Variants in NLGN4X observed in about 807,000 individuals in gnomAD.
NLGN4X encodes the protein neuroligin-4, X-linked.
A neutral mutation model predicts 40.3 loss-of-function variants in NLGN4X; 3 were observed. The observed-to-expected ratio is 0.07, with a 90% CI of 0.03 to 0.19. The LOEUF (loss-of-function observed/expected upper bound fraction) is 0.19. NLGN4X is among the 10% of genes least tolerant of loss of function. The pLI, the probability that NLGN4X is intolerant of heterozygous loss-of-function variation, is 1.00. For missense variants in NLGN4X, 382 were observed against 708.3 expected, an observed-to-expected ratio of 0.54 and a Z score of 5.23; for synonymous variants, 270 against 306.8, an observed-to-expected ratio of 0.88 and a Z score of 1.25.
chrX:6,207,453 T>C (rs749524385), intron 1 of NLGN4X, among the ~76,000 whole-genome samples: 2 of 112,356 alleles, frequency 1.8e-5, no homozygotes. Flanking sequence ...TTGGAATATT[T>C]TAACCATGGC....
At chrX:6,115,395 T>A (rs1792079157) in intron 2 of NLGN4X, among the ~76,000 whole-genome samples, 1 of 111,731 alleles carries the variant, frequency 9.0e-6, no homozygotes, top group Non-Finnish European at 1.9e-5. Context: ...AGTGGACACA[T>A]TTCTCTAACG....
chrX:6,187,920 T>G (rs1439128459), intron 1 of NLGN4X: 1 of 112,503 alleles, frequency 8.9e-6, no homozygotes, highest in Non-Finnish European at 1.9e-5. Flanking sequence ...AGATGAGCTT[T>G]AAAAAATTAA....
At chrX:6,155,874 T>A (rs932185874) in intron 1 of NLGN4X, among the ~76,000 whole-genome samples, 1 of 111,940 alleles carries the variant, frequency 8.9e-6, no homozygotes, top group African/African-American at 3.3e-5. Flanking sequence ...GAATGGCTAT[T>A]CATAAAACAT....
At chrX:5,966,273 T>C (rs762413932) in intron 3 of NLGN4X, among the ~76,000 whole-genome samples, 1 of 112,635 alleles carries the variant, frequency 8.9e-6, no homozygotes, top group Non-Finnish European at 1.9e-5. Context: ...TTTGGCAAAG[T>C]ACAGTAACAG....
intron 3 of NLGN4X, among the ~76,000 whole-genome samples, chrX:5,940,904 C>T (rs2033908515): frequency 9.1e-6 from 1 of 110,433 alleles, no homozygotes; most frequent in African/African-American, 3.3e-5. Context: ...ATCACTTGAG[C>T]CCAGGAATTC....
At chrX:6,152,838 C>T (rs1222996127) in intron 1 of NLGN4X, among the ~76,000 whole-genome samples, 1 of 112,580 alleles carries the variant, frequency 8.9e-6, no homozygotes, top group Non-Finnish European at 1.9e-5. Context: ...GTATCCTCTT[C>T]ACCCTTCAGC....
intron 3 of NLGN4X, among the ~76,000 whole-genome samples, chrX:5,994,161 A>G (rs2035758163): frequency 8.9e-6 from 1 of 111,994 alleles, no homozygotes; most frequent in Non-Finnish European, 1.9e-5. Flanking sequence ...TGGAGGAGAA[A>G]TTGCAACAGA....
intron 3 of NLGN4X, among the ~76,000 whole-genome samples, chrX:5,986,747 T>C (rs2035540069): frequency 9.0e-6 from 1 of 111,667 alleles, no homozygotes; most frequent in African/African-American, 3.2e-5. Flanking sequence ...GACATATGAA[T>C]GGCCAAGAGA....
chrX:6,084,949 C>G (rs1171011470), intron 2 of NLGN4X, among the ~76,000 whole-genome samples: 1 of 110,347 alleles, frequency 9.1e-6, no homozygotes, highest in Non-Finnish European at 1.9e-5. Context: ...AGACAGATTA[C>G]AAGCCAACAG....
At chrX:6,152,762 A>G (rs1490629602) in intron 1 of NLGN4X, among the ~76,000 whole-genome samples, 2 of 112,366 alleles carry the variant, frequency 1.8e-5, no homozygotes, top group African/African-American at 6.5e-5. Flanking sequence ...TGAAGACTTC[A>G]TTCATAATTA....
chrX:5,993,033 G>A (rs756775666), intron 3 of NLGN4X, among the ~76,000 whole-genome samples: 119 of 111,401 alleles, frequency 1.1e-3, no homozygotes, highest in Non-Finnish European at 1.8e-3. Context: ...TGTCTTCAAA[G>A]CTGCTTTCAG....
intron 2 of NLGN4X, among the ~76,000 whole-genome samples, chrX:6,135,129 T>C (rs1305266001): frequency 8.9e-6 from 1 of 111,939 alleles, no homozygotes; most frequent in South Asian, 3.7e-4. Flanking sequence ...ACGTTTCCCA[T>C]CTGGCATTAA....
At chrX:5,925,480 G>T (rs1011495674) in intron 3 of NLGN4X, among the ~76,000 whole-genome samples, 2 of 110,615 alleles carry the variant, frequency 1.8e-5, no homozygotes, top group East Asian at 5.7e-4. Flanking sequence ...GTTTGGGAAA[G>T]AAATAATAGT....
intron 3 of NLGN4X, among the ~76,000 whole-genome samples, chrX:5,922,051 G>C (rs1414858021): frequency 9.0e-6 from 1 of 111,654 alleles, no homozygotes; most frequent in East Asian, 2.8e-4. Context: ...TCTTCACCAA[G>C]AATCAGAGGG....
intron 3 of NLGN4X, among the ~76,000 whole-genome samples, chrX:5,928,284 C>A (rs939677139): frequency 8.9e-6 from 1 of 112,343 alleles, no homozygotes; most frequent in African/African-American, 3.2e-5. Flanking sequence ...TAGTATCTTC[C>A]TTCTGCTCAA....
intron 5 of NLGN4X, among the ~76,000 whole-genome samples, chrX:5,901,730 TTC>T (rs1003261764): frequency 9.1e-6 from 1 of 109,485 alleles, no homozygotes; most frequent in African/African-American, 3.3e-5. Context: ...TATTTTCATT[TTC>T]TCTCTCTAGT....
At chrX:6,011,536 A>T (rs781260740) in intron 3 of NLGN4X, among the ~76,000 whole-genome samples, 2 of 110,970 alleles carry the variant, frequency 1.8e-5, no homozygotes, top group Non-Finnish European at 3.8e-5. Context: ...AGATGATACC[A>T]TCTGAAAGAA....
At chrX:5,936,068 A>C (rs2146884816) in intron 3 of NLGN4X, among the ~76,000 whole-genome samples, 1 of 112,379 alleles carries the variant, frequency 8.9e-6, no homozygotes, top group South Asian at 3.7e-4. Flanking sequence ...TGTGCACAGA[A>C]GGATGTTCAT....
chrX:6,127,031 C>T (rs1467036956), intron 2 of NLGN4X, among the ~76,000 whole-genome samples: 1 of 110,925 alleles, frequency 9.0e-6, no homozygotes, highest in Non-Finnish European at 1.9e-5. Flanking sequence ...CATCTCCACT[C>T]CTCTCTGGTG....
Sources: gnomAD v4.1 joint callset for allele counts (sites outside exome capture counted in the v4.1 genomes callset) on GRCh38, gnomAD v4.1.1 for gene constraint, MANE v1.5 for transcripts, NCBI Gene and HGNC (gene_info 2026-07-23, HGNC 2026-07-21) for gene names.